FLVCR1: variants seen among roughly 807,000 people sequenced by gnomAD.
FLVCR1 encodes FLVCR choline and heme transporter 1, also known as choline/ethanolamine transporter FLVCR1.
Under a neutral mutation model 53.6 loss-of-function variants are expected in FLVCR1, and 34 were observed. That is an observed-to-expected ratio of 0.63 (90% CI 0.48 to 0.84). FLVCR1 has a LOEUF of 0.84. Among genes scored for constraint, FLVCR1 ranks in the 40% least tolerant of loss-of-function variants. The pLI, the probability that FLVCR1 is intolerant of heterozygous loss-of-function variation, is 0.00. For synonymous variants in FLVCR1, 300 were observed against 286.3 expected (o/e 1.05, Z -0.48); for missense variants, 677 against 696.7 (o/e 0.97, Z 0.32).
intron 8 of FLVCR1, among the ~76,000 whole-genome samples, chr1:212,892,478 A>T (rs528366543): frequency 6.6e-6 from 1 of 152,360 alleles, no homozygotes; most frequent in Admixed American, 6.5e-5. Context: ...CGTAGTTGAT[A>T]GTACATCTGT....
intron 1 of FLVCR1, among the ~76,000 whole-genome samples, chr1:212,863,222 T>C (rs1299872433): frequency 2.6e-5 from 4 of 152,234 alleles, no homozygotes; most frequent in Admixed American, 2.0e-4. Context: ...AGGAACTCAG[T>C]AAATGTTTTT....
At chr1:212,877,361 C>T (rs1030771634) in intron 3 of FLVCR1, among the ~76,000 whole-genome samples, 5 of 151,970 alleles carry the variant, frequency 3.3e-5, no homozygotes, top group African/African-American at 9.6e-5. Context: ...TACAGGCACC[C>T]GCCACCACGC....
intron 3 of FLVCR1, among the ~76,000 whole-genome samples, chr1:212,880,145 C>T (rs965159413): frequency 4.6e-5 from 7 of 152,132 alleles, no homozygotes; most frequent in Admixed American, 2.6e-4. Context: ...GCGTGGTCCA[C>T]GTGCATTCTT....
In FLVCR1 at chr1:212,877,686, G is replaced by GTTTTTT. The variant is rs56783462; in HGVS notation, c.1024+4880_1024+4885dup. ...AAGTTGTCTGTTCACTCTGATGATAGTTTTTTTTTTTTTTTTTGCTGTGCA... is the reference window on the plus strand; with the variant it reads ...AAGTTGTCTGTTCACTCTGATGATAGTTTTTTTTTTTTTTTTTTTTTTTGCTGTGCA... On this transcript the variant is annotated intron_variant, in intron 3 of 9. Coordinates refer to ENST00000366971, the MANE Select transcript of FLVCR1 (RefSeq NM_014053.4). 3.5e-4 allele frequency among the ~76,000 whole-genome samples: 44 copies of GTTTTTT among 127,154 alleles called. 2 individuals carry two copies. Among genetic ancestry groups the GTTTTTT allele is most frequent in the East Asian group, 6.8e-4 (3 of 4,382 alleles). 83.4% of individuals were successfully genotyped at this position (127,154 alleles called of 152,430 possible).
chr1:212,888,209 A>G (rs1665107723), intron 6 of FLVCR1, among the ~76,000 whole-genome samples: 1 of 152,242 alleles, frequency 6.6e-6, no homozygotes, highest in Non-Finnish European at 1.5e-5. Context: ...TAGGTAAAAA[A>G]TGGATGAGCC....
Position 212,873,330 on chromosome 1 carries a change from GA to G in FLVCR1, c.1024+516del, listed in dbSNP as rs1368497255. Among the ~76,000 whole-genome samples the G allele has an allele frequency of 1.4e-3, 207 of 149,994 alleles. 1 individual carries two copies. The South Asian group carries it at 0.027, about 20-fold the overall frequency. ...TATCTCAAAAAAAAAATAAAAGAAA[GA>G]AAAGAAAAGTAGTTCTCAAATACAG... On this transcript the variant is annotated intron_variant, in intron 3 of 9. Coordinates refer to ENST00000366971, the MANE Select transcript of FLVCR1 (RefSeq NM_014053.4).
Position 212,895,067 on chromosome 1 carries a change from T to G in FLVCR1, c.1593+14T>G. On this transcript the variant is annotated intron_variant, in intron 9 of 9. Transcript: ENST00000366971. ...GATGTTAAAGCTGTAAGTAATATTT[T>G]TATGATTATACTGTTGAGAAGTATG... The G allele has an allele frequency of 6.8e-7, 1 of 1,468,676 alleles. No individual in the cohort carries two copies. The highest frequency in any genetic ancestry group is 9.5e-7 in the Non-Finnish European group (1 of 1,047,450). The allele number at this position is 1,468,676 out of a possible 1,614,324, so 91.0% of individuals were successfully genotyped here. A position where few individuals can be genotyped will look rare whatever the true frequency, so the allele number is the denominator to read the frequency against.
chr1:212,885,176 C>T (rs41300043), intron 4 of FLVCR1, 117 bp from the exon 5 acceptor site: 22,060 of 768,164 alleles, frequency 0.029, 435 homozygotes, highest in South Asian at 0.044. Flanking sequence ...AATCTTCCTA[C>T]TGTGTGCTTA....
intron 6 of FLVCR1, 98 bp downstream of exon 6, chr1:212,888,099 T>C (rs1005733149): frequency 4.0e-6 from 3 of 755,014 alleles, no homozygotes; most frequent in Non-Finnish European, 6.9e-6. Flanking sequence ...ATCCAAAGTT[T>C]CTTCAATATT....
chr1:212,880,240 A>G (rs1664886947), intron 3 of FLVCR1, among the ~76,000 whole-genome samples: 1 of 152,176 alleles, frequency 6.6e-6, no homozygotes, highest in South Asian at 2.1e-4. Context: ...GACGAGCTAT[A>G]GGTCTCATCC....
At chr1:212,887,764 T>C in intron 5 of FLVCR1, 127 bp from the exon 6 acceptor site, 5 of 620,292 alleles carry the variant, frequency 8.1e-6, no homozygotes, top group Non-Finnish European at 1.5e-5. Context: ...TGGATACATA[T>C]TTCCATGGAC....
At chr1:212,862,447 G>A (rs1664273615) in intron 1 of FLVCR1, among the ~76,000 whole-genome samples, 1 of 152,066 alleles carries the variant, frequency 6.6e-6, no homozygotes, top group South Asian at 2.1e-4. Context: ...TTTGTGTCTG[G>A]CTTCTTTCAC....
intron 1 of FLVCR1, among the ~76,000 whole-genome samples, chr1:212,861,732 C>T (rs1031161276): frequency 6.6e-5 from 10 of 151,942 alleles, no homozygotes; most frequent in African/African-American, 1.7e-4. Flanking sequence ...TGCAGTGGCG[C>T]GATCTTGGCT....
At chr1:212,881,175 G>A (rs1442429843) in intron 3 of FLVCR1, among the ~76,000 whole-genome samples, 3 of 152,038 alleles carry the variant, frequency 2.0e-5, no homozygotes, top group Admixed American at 2.0e-4. Flanking sequence ...ACTAAAATTA[G>A]AACTCTACAT....
chr1:212,872,218 G>A (rs567359861), intron 2 of FLVCR1, among the ~76,000 whole-genome samples: 123 of 152,180 alleles, frequency 8.1e-4, no homozygotes, highest in African/African-American at 2.9e-3. Context: ...AGGCTCAAGG[G>A]TTCTTCCCCC....
chr1:212,896,890 G>GAAAAAAA lies in FLVCR1; in HGVS notation c.*1600_*1601insAAAAAAA, dbSNP rs1558124499. 3.3e-4 allele frequency: 31 copies of GAAAAAAA among 93,600 alleles called. 2 individuals are homozygous for GAAAAAAA. The highest frequency in any genetic ancestry group is 5.2e-4 in the Non-Finnish European group (25 of 48,056). 5.8% of individuals were successfully genotyped at this position (93,600 alleles called of 1,614,324 possible). A position where few individuals can be genotyped will look rare whatever the true frequency, so the allele number is the denominator to read the frequency against. On this transcript the variant is annotated 3_prime_UTR_variant, in exon 10 of 10. Coordinates refer to ENST00000366971, the MANE Select transcript of FLVCR1 (RefSeq NM_014053.4). Reference sequence around the variant, plus strand: ...AAAAAAAAAAAAAAAAAAAAAAAAGGCCAGGCGCAGTGCTGTGGCTCATGC... The same window carrying GAAAAAAA: ...AAAAAAAAAAAAAAAAAAAAAAAAGGAAAAAAACCAGGCGCAGTGCTGTGGCTCATGC...
At chr1:212,888,087 T>A in intron 6 of FLVCR1, 86 bp downstream of exon 6, 1 of 816,796 alleles carries the variant, frequency 1.2e-6, no homozygotes, top group South Asian at 1.5e-5. Context: ...TTTTTTCAGT[T>A]CATCCAAAGT....
rs1384302886 is a variant in FLVCR1, at chr1:212,865,744, AG to A, written c.883+1876del. Among the ~76,000 whole-genome samples, 6 of 151,856 alleles carry A rather than the reference AG, an allele frequency of 4.0e-5. No individual in the cohort carries two copies. The East Asian group carries it at 1.2e-3, about 30-fold the overall frequency. Reference sequence around the variant, plus strand: ...TGATCCACCTGCCTCAACCTCCCAAAGTGCTGGGATTATAGGCATGAGCCAC... The same window carrying A: ...TGATCCACCTGCCTCAACCTCCCAAATGCTGGGATTATAGGCATGAGCCAC... On this transcript the variant is annotated intron_variant, in intron 2 of 9. Transcript: ENST00000366971.
At chr1:212,866,843 A>AT (rs1664450264) in intron 2 of FLVCR1, among the ~76,000 whole-genome samples, 1 of 152,208 alleles carries the variant, frequency 6.6e-6, no homozygotes, top group South Asian at 2.1e-4. Context: ...TAATTTTATG[A>AT]TCCCAAGCAT....
Sources: gnomAD v4.1 joint callset for allele counts (sites outside exome capture counted in the v4.1 genomes callset) on GRCh38, gnomAD v4.1.1 for gene constraint, MANE v1.5 for transcripts, NCBI Gene and HGNC (gene_info 2026-07-23, HGNC 2026-07-21) for gene names.